The following PKP4 variants were observed in gnomAD, a reference collection of about 807,000 sequenced individuals.
The protein encoded by PKP4 is plakophilin 4.
A neutral mutation model predicts 145.1 loss-of-function variants in PKP4; 90 were observed. That is an observed-to-expected ratio of 0.62 (90% CI 0.52 to 0.74). The LOEUF (loss-of-function observed/expected upper bound fraction) is 0.74, where lower values mean the gene tolerates loss of function less well. PKP4 is among the 30% of genes least tolerant of loss of function. PKP4 has a pLI of 0.00. For synonymous variants in PKP4, 563 were observed against 577.2 expected (o/e 0.98, Z 0.35); for missense variants, 1,340 against 1,482.7 (o/e 0.90, Z 1.58).
At chr2:158,545,766 G>C (rs766351835) in intron 2 of PKP4, among the ~76,000 whole-genome samples, 5 of 152,072 alleles carry the variant, frequency 3.3e-5, no homozygotes, top group Non-Finnish European at 7.4e-5. Context: ...AATTAGTTTA[G>C]TGTTTGTAAA....
At chr2:158,653,502 T>A (rs886779000) in intron 11 of PKP4, among the ~76,000 whole-genome samples, 4 of 152,228 alleles carry the variant, frequency 2.6e-5, no homozygotes, top group Non-Finnish European at 5.9e-5. Context: ...ATTGTGATTA[T>A]TGGTTACTCA....
At chr2:158,474,222 G>A (rs1258746817) in intron 1 of PKP4, among the ~76,000 whole-genome samples, 4 of 152,216 alleles carry the variant, frequency 2.6e-5, no homozygotes, top group East Asian at 1.9e-4. Context: ...GGGAAGCTCC[G>A]AAAGTACAAG....
chr2:158,500,616 G>A (rs1488679247), intron 1 of PKP4, among the ~76,000 whole-genome samples: 5 of 152,134 alleles, frequency 3.3e-5, no homozygotes, highest in African/African-American at 1.2e-4. Context: ...TTCAGAGCCC[G>A]TGCCTTCCTT....
chr2:158,594,701 T>C (rs1201528865), intron 3 of PKP4, among the ~76,000 whole-genome samples: 1 of 152,138 alleles, frequency 6.6e-6, no homozygotes, highest in Admixed American at 6.5e-5. Flanking sequence ...TTTGTTTTCA[T>C]TGAGATTGAT....
At chr2:158,476,962 A>G (rs1185565357) in intron 1 of PKP4, among the ~76,000 whole-genome samples, 3 of 152,170 alleles carry the variant, frequency 2.0e-5, no homozygotes, top group Non-Finnish European at 4.4e-5. Flanking sequence ...TCTAACACAA[A>G]TATTTAAAAC....
At chr2:158,503,097 G>C (rs550218453) in intron 1 of PKP4, among the ~76,000 whole-genome samples, 34 of 152,298 alleles carry the variant, frequency 2.2e-4, no homozygotes, top group Admixed American at 8.5e-4. Context: ...TTAAAAGTTT[G>C]AGCCATAACA....
chr2:158,608,563 C>A (rs2050837905), intron 4 of PKP4, among the ~76,000 whole-genome samples: 1 of 152,118 alleles, frequency 6.6e-6, no homozygotes, highest in African/African-American at 2.4e-5. Context: ...CTAGTAGTTA[C>A]ATTTACTAAT....
chr2:158,570,021 A>G (rs1403640384), intron 2 of PKP4, among the ~76,000 whole-genome samples: 3 of 152,240 alleles, frequency 2.0e-5, no homozygotes, highest in Non-Finnish European at 2.9e-5. Context: ...CAGTACAATG[A>G]TGATTGACAT....
At chr2:158,573,917 T>A (rs907421757) in intron 2 of PKP4, among the ~76,000 whole-genome samples, 2 of 152,244 alleles carry the variant, frequency 1.3e-5, no homozygotes, top group African/African-American at 4.8e-5. Context: ...GGGGACTGTC[T>A]GCAGCCGAGA....
In PKP4 at chr2:158,603,112, T is replaced by C; in HGVS notation, c.280+8T>C. The C allele has an allele frequency of 7.0e-7, 1 of 1,433,796 alleles. No homozygotes were observed. Among genetic ancestry groups the C allele is most frequent in the South Asian group, 1.3e-5 (1 of 74,326 alleles). The allele number at this position is 1,433,796 out of a possible 1,614,324, so 88.8% of individuals were successfully genotyped here. ...TTCCTTGGAGATCAACAGGTATGTTTTTTATTATATAAAAGTTATGTTTGA... is the reference window on the plus strand; with the variant it reads ...TTCCTTGGAGATCAACAGGTATGTTCTTTATTATATAAAAGTTATGTTTGA... On this transcript the variant is annotated splice_region_variant and intron_variant, in intron 4 of 21. Coordinates refer to ENST00000389759, the MANE Select transcript of PKP4 (RefSeq NM_003628.6).
intron 11 of PKP4, among the ~76,000 whole-genome samples, chr2:158,655,577 CTT>C (rs2055830855): frequency 6.6e-6 from 1 of 151,096 alleles, no homozygotes; most frequent in Non-Finnish European, 1.5e-5. Context: ...ATGATATAGA[CTT>C]TACTTTCCAT....
intron 1 of PKP4, among the ~76,000 whole-genome samples, chr2:158,468,064 T>C (rs1690933308): frequency 6.6e-6 from 1 of 152,220 alleles, no homozygotes; most frequent in Admixed American, 6.5e-5. Context: ...TTATAGCTAT[T>C]ACAAATAGAG....
intron 19 of PKP4, 112 bp from the exon 20 acceptor site, chr2:158,676,627 T>C (rs763527954): frequency 8.7e-6 from 11 of 1,259,102 alleles, no homozygotes; most frequent in South Asian, 2.5e-5. Context: ...GCACCAGCTG[T>C]GTGTCATTTC....
chr2:158,647,246 G>C (rs2711067), intron 11 of PKP4, among the ~76,000 whole-genome samples: 72,389 of 151,642 alleles, frequency 0.48, 18,232 homozygotes, highest in East Asian at 0.78. Flanking sequence ...TGTAGGTACG[G>C]TCCACACATT....
intron 2 of PKP4, among the ~76,000 whole-genome samples, chr2:158,540,315 C>T (rs774649875): frequency 3.3e-5 from 5 of 152,154 alleles, no homozygotes; most frequent in Non-Finnish European, 5.9e-5. Context: ...ATAACTGGAT[C>T]ACACATTCAA....
chr2:158,462,231 A>G lies in PKP4; in HGVS notation c.-6+5013A>G, dbSNP rs564559659. ...CAAATCAGAAATTAGGAGATCTGCC[A>G]TTAAACCTTATTACCTTGACAAACC... On this transcript the variant is annotated intron_variant, in intron 1 of 21. Coordinates refer to ENST00000389759, the MANE Select transcript of PKP4 (RefSeq NM_003628.6). 2.0e-5 allele frequency among the ~76,000 whole-genome samples: 3 copies of G among 152,364 alleles called. No individual in the cohort carries two copies. In the East Asian group the frequency reaches 5.8e-4, roughly 29 times the overall value.
intron 13 of PKP4, 100 bp downstream of exon 13, chr2:158,661,550 T>G: frequency 1.3e-6 from 1 of 775,726 alleles, no homozygotes; most frequent in Non-Finnish European, 2.2e-6. Context: ...CTGCGGATCC[T>G]GTCCTCCTCA....
intron 7 of PKP4, among the ~76,000 whole-genome samples, chr2:158,629,585 A>G (rs1407302606): frequency 2.0e-5 from 3 of 152,108 alleles, no homozygotes; most frequent in African/African-American, 7.2e-5. Context: ...ATAATCATTC[A>G]CTTTAGAAGC....
chr2:158,652,196 C>G (rs550223329), intron 11 of PKP4, among the ~76,000 whole-genome samples: 2 of 152,288 alleles, frequency 1.3e-5, no homozygotes, highest in East Asian at 1.9e-4. Flanking sequence ...CTTCTTCGTA[C>G]CAAGTCTTCA....
Sources: allele counts gnomAD v4.1 joint callset (sites outside exome capture counted in the v4.1 genomes callset), GRCh38; gene constraint gnomAD v4.1.1; transcripts MANE v1.5; gene names NCBI Gene and HGNC (gene_info 2026-07-23, HGNC 2026-07-21).